The following PRTG variants were observed in gnomAD, a reference collection of about 807,000 sequenced individuals.
PRTG encodes immunoglobulin superfamily, DCC subclass, member 5.
Under a neutral mutation model 122.5 loss-of-function variants are expected in PRTG, and 67 were observed. The ratio of observed to expected loss-of-function variants is 0.55; its 90% CI spans 0.45 to 0.67. PRTG has a LOEUF of 0.67. Among genes scored for constraint, PRTG ranks in the 30% least tolerant of loss-of-function variants. The pLI, the probability that PRTG is intolerant of heterozygous loss-of-function variation, is 0.00. For synonymous variants in PRTG, 554 were observed against 501.1 expected (o/e 1.11, Z -1.41); for missense variants, 1,435 against 1,415.4 (o/e 1.01, Z -0.22).
chr15:55,723,752 C>CTTTTTTT (rs769469226), intron 2 of PRTG, among the ~76,000 whole-genome samples: 57 of 127,066 alleles, frequency 4.5e-4, no homozygotes, highest in African/African-American at 6.7e-4. Flanking sequence ...TTTCTTTTTT[C>CTTTTTTT]TTTTTTTTTT....
chr15:55,703,049 A>C, intron 2 of PRTG: 1 of 439,776 alleles, frequency 2.3e-6, no homozygotes, highest in Non-Finnish European at 3.0e-6. Context: ...TGGTCCTAGA[A>C]CCAGTTGGTC....
chr15:55,638,625 T>C lies in PRTG; in HGVS notation c.2376A>G (p.Glu792=), dbSNP rs1449363007. ...GATCCACATGTAATCGAACGGCAAA[T>C]TCGTATTTGGTGTTTGGTTCTAGAC... ...VQGLEPNTKY[E]FAVRLHVDQL... is the part of the protein sequence containing the mutation. Residue 792 remains glutamate (E), a synonymous_variant, in exon 14 of 20, where the codon GAA becomes GAG. Coordinates refer to ENST00000389286, the MANE Select transcript of PRTG (RefSeq NM_173814.6). 1 of 1,613,598 alleles carries C rather than the reference T, an allele frequency of 6.2e-7. No homozygotes were observed. The highest frequency in any genetic ancestry group is 8.5e-7 in the Non-Finnish European group (1 of 1,179,646).
chr15:55,691,312 A>G (rs1050706783), intron 2 of PRTG, among the ~76,000 whole-genome samples: 55 of 150,540 alleles, frequency 3.7e-4, no homozygotes, highest in Non-Finnish European at 6.6e-4. Flanking sequence ...AAAAAAAAAA[A>G]AAAGTACAGG....
chr15:55,736,341 C>G (rs77995643), intron 2 of PRTG, among the ~76,000 whole-genome samples: 11,871 of 151,794 alleles, frequency 0.078, 515 homozygotes, highest in Non-Finnish European at 0.1. Flanking sequence ...TATAGTCTCA[C>G]AGTTCTTAGG....
intron 2 of PRTG, among the ~76,000 whole-genome samples, chr15:55,737,215 G>C (rs1477271872): frequency 6.6e-6 from 1 of 152,156 alleles, no homozygotes; most frequent in Non-Finnish European, 1.5e-5. Context: ...GCTAGAAAAA[G>C]GGCATCCCAT....
chr15:55,672,598 T>A lies in PRTG; in HGVS notation c.1888A>T (p.Asn630Tyr). ...CACCTCACAGAAATGGTGGTACAGT[T>A]CAGAGGCTCCAAATGCAACTCTGGA... is the stretch of plus-strand genomic sequence containing the variant. Reference protein sequence around the residue: ...KSPELHLEPLNCTTISVRWQQ... With the variant: ...KSPELHLEPLYCTTISVRWQQ... Residue 630 changes from asparagine (N) to tyrosine (Y), a missense_variant, in exon 11 of 20, where the codon AAC becomes TAC. Transcript: ENST00000389286. 1 of 1,613,848 alleles carries A rather than the reference T, an allele frequency of 6.2e-7. No individual in the cohort carries two copies. Among genetic ancestry groups the A allele is most frequent in the South Asian group, 1.1e-5 (1 of 90,958 alleles).
At chr15:55,671,820 T>C (rs1439490173) in intron 11 of PRTG, among the ~76,000 whole-genome samples, 7 of 152,196 alleles carry the variant, frequency 4.6e-5, no homozygotes. Context: ...ATTTTGGATA[T>C]ACATTACTTT....
chr15:55,738,092 A>ATATATATATATT (rs1420435634), intron 2 of PRTG: 1 of 143,512 alleles, frequency 7.0e-6, no homozygotes, highest in Non-Finnish European at 1.5e-5. Context: ...ATATATATAT[A>ATATATATATATT]TTTACTCTGA....
intron 2 of PRTG, among the ~76,000 whole-genome samples, chr15:55,701,219 C>G (rs2059661483): frequency 6.6e-6 from 1 of 152,092 alleles, no homozygotes; most frequent in Admixed American, 6.6e-5. Context: ...GGCAGTTTTT[C>G]ATAAACACAT....
chr15:55,723,391 C>T (rs1567115428), intron 2 of PRTG, among the ~76,000 whole-genome samples: 1 of 124,766 alleles, frequency 8.0e-6, no homozygotes, highest in Non-Finnish European at 1.7e-5. Context: ...CTATAATGAT[C>T]TAAAAAAAAA....
At chr15:55,635,073 G>C (rs8040621) in intron 15 of PRTG, among the ~76,000 whole-genome samples, 4,383 of 129,946 alleles carry the variant, frequency 0.034, 212 homozygotes, top group African/African-American at 0.13. Flanking sequence ...TGTTGGTTCT[G>C]GGTGTGTGTG....
chr15:55,689,196 C>G (rs2059586862), intron 2 of PRTG, among the ~76,000 whole-genome samples: 1 of 152,150 alleles, frequency 6.6e-6, no homozygotes, highest in Non-Finnish European at 1.5e-5. Flanking sequence ...TCTATCCATT[C>G]AAAGGCTTCT....
chr15:55,720,716 T>C (rs1198147926), intron 2 of PRTG, among the ~76,000 whole-genome samples: 2 of 152,198 alleles, frequency 1.3e-5, no homozygotes, highest in African/African-American at 4.8e-5. Context: ...GCAGTGTCCT[T>C]CTTTTGGCTT....
At chr15:55,736,757 G>C (rs2031425833) in intron 2 of PRTG, among the ~76,000 whole-genome samples, 1 of 152,094 alleles carries the variant, frequency 6.6e-6, no homozygotes, top group African/African-American at 2.4e-5. Context: ...TTTTACCCAA[G>C]TGAACAGTCC....
At chr15:55,739,064 G>T (rs974586800) in intron 2 of PRTG, among the ~76,000 whole-genome samples, 6 of 151,988 alleles carry the variant, frequency 3.9e-5, no homozygotes, top group African/African-American at 1.5e-4. Context: ...ATTTTCTGAT[G>T]TATCAATATA....
intron 2 of PRTG, among the ~76,000 whole-genome samples, chr15:55,703,147 T>G (rs550512567): frequency 6.6e-6 from 1 of 152,182 alleles, no homozygotes; most frequent in African/African-American, 2.4e-5. Flanking sequence ...TGCTGAACAT[T>G]TGAGTACTTC....
chr15:55,635,681 AT>A (rs1250447403), intron 15 of PRTG, among the ~76,000 whole-genome samples: 1 of 152,196 alleles, frequency 6.6e-6, no homozygotes, highest in Non-Finnish European at 1.5e-5. Flanking sequence ...AAATACGAAC[AT>A]GCAACGATCA....
chr15:55,640,317 C>T (rs2059282555), intron 12 of PRTG, among the ~76,000 whole-genome samples: 1 of 152,204 alleles, frequency 6.6e-6, no homozygotes, highest in Non-Finnish European at 1.5e-5. Flanking sequence ...ACAGCAATGT[C>T]ATAGGTGATA....
At chr15:55,657,237 T>A (rs2059385387) in intron 11 of PRTG, among the ~76,000 whole-genome samples, 1 of 152,218 alleles carries the variant, frequency 6.6e-6, no homozygotes, top group African/African-American at 2.4e-5. Flanking sequence ...TTTGGAGGCT[T>A]TAAACATAGT....
Sources: gnomAD v4.1 joint callset for allele counts (sites outside exome capture counted in the v4.1 genomes callset) on GRCh38, gnomAD v4.1.1 for gene constraint, MANE v1.5 for transcripts, NCBI Gene and HGNC (gene_info 2026-07-23, HGNC 2026-07-21) for gene names.